FAM133B: variants seen among roughly 807,000 people sequenced by gnomAD.
FAM133B encodes the protein family with sequence similarity 133 member B, also known as protein FAM133B.
In FAM133B, 25 loss-of-function variants were observed where a neutral mutation model predicts 46.4. That is an observed-to-expected ratio of 0.54 (90% CI 0.39 to 0.75). The LOEUF is 0.75. FAM133B is among the 30% of genes least tolerant of loss of function. The probability of loss-of-function intolerance (pLI) is 0.00; values close to 1 mark genes in which losing one functional copy is unlikely to be tolerated. For synonymous variants in FAM133B, 75 were observed against 86.0 expected, an observed-to-expected ratio of 0.87 and a Z score of 0.71; for missense variants, 205 against 277.6, an observed-to-expected ratio of 0.74 and a Z score of 1.86.
chr7:92,565,979 T>C, intron 10 of FAM133B, 35 bp downstream of exon 10: 11 of 1,608,394 alleles, frequency 6.8e-6, no homozygotes, highest in Non-Finnish European at 9.4e-6. Context: ...AAAACACCTA[T>C]TCTATTGTCT....
In FAM133B at chr7:92,575,806, T is replaced by G. The variant is rs779461130; in HGVS notation, c.481A>C (p.Lys161Gln). The G allele has an allele frequency of 3.4e-5, 46 of 1,354,876 alleles. No individual in the cohort carries two copies. Among genetic ancestry groups the G allele is most frequent in the Non-Finnish European group, 5.2e-6 (5 of 954,584 alleles). The allele number at this position is 1,354,876 out of a possible 1,614,324, so 83.9% of individuals were successfully genotyped here. A position where few individuals can be genotyped will look rare whatever the true frequency, so the allele number is the denominator to read the frequency against. The change falls in exon 8 of 11, where the codon AAA becomes CAA. Residue 161 changes from lysine to glutamine, a missense_variant. By Grantham distance (53) the Lys-to-Gln change is moderately conservative. Coordinates refer to ENST00000445716, the MANE Select transcript of FAM133B (RefSeq NM_152789.4). ...TCAGTTCCATCTTTTGACTTCTTTT[T>G]CTTTTTTAAACTATCCTAAACAAAG... ...ESDSKDSLKK[K>Q]KKSKDGTEKE...
In FAM133B at chr7:92,579,299, C is replaced by A; in HGVS notation, c.201+18G>T. 1 of 1,600,888 alleles carries A rather than the reference C, an allele frequency of 6.2e-7. No homozygotes were observed. Among genetic ancestry groups the A allele is most frequent in the Admixed American group, 1.7e-5 (1 of 58,534 alleles). ...TGGCCAAATTAGTCTATTTTTTTAA[C>A]AGGTACTTTTTACAAACCTCATTCA... On this transcript the variant is annotated intron_variant, in intron 3 of 10. Coordinates refer to ENST00000445716, the MANE Select transcript of FAM133B (RefSeq NM_152789.4).
In FAM133B at chr7:92,562,133, G is replaced by C; in HGVS notation, c.*149C>G. On this transcript the variant is annotated 3_prime_UTR_variant, in exon 11 of 11. Transcript: ENST00000445716. ...GCAACATTTATGGCCCTTTCACACA[G>C]TGGCATCTGAGTGGCTACTGAATAG... 2.4e-6 allele frequency: 2 copies of C among 839,490 alleles called. No homozygotes were observed. The highest frequency in any genetic ancestry group is 3.5e-6 in the Non-Finnish European group (2 of 573,496). 52.0% of individuals were successfully genotyped at this position (839,490 alleles called of 1,614,324 possible).
intron 9 of FAM133B, among the ~76,000 whole-genome samples, chr7:92,567,421 T>G (rs894558494): frequency 6.6e-6 from 1 of 152,150 alleles, no homozygotes; most frequent in African/African-American, 2.4e-5. Context: ...GCTAAGTGAC[T>G]ACGACATTAA....
chr7:92,569,726 A>T, intron 9 of FAM133B, 97 bp downstream of exon 9: 1 of 587,630 alleles, frequency 1.7e-6, no homozygotes, highest in Non-Finnish European at 2.8e-6. Context: ...AAAGGTGAAT[A>T]AATTAAATAT....
intron 8 of FAM133B, among the ~76,000 whole-genome samples, chr7:92,571,407 TAGA>T (rs1794526482): frequency 1.3e-5 from 2 of 152,344 alleles, no homozygotes; most frequent in African/African-American, 2.4e-5. Context: ...TATACATTCT[TAGA>T]AGTTTTTCTT....
At chr7:92,589,410 T>C (rs1261900613) in intron 1 of FAM133B, among the ~76,000 whole-genome samples, 3 of 152,236 alleles carry the variant, frequency 2.0e-5, no homozygotes, top group African/African-American at 7.2e-5. Flanking sequence ...TCCTACTCTT[T>C]CTGCTGTAAG....
intron 9 of FAM133B, chr7:92,569,595 T>G (rs1244875408): frequency 7.4e-6 from 2 of 268,886 alleles, no homozygotes; most frequent in Non-Finnish European, 1.4e-5. Flanking sequence ...TAAAAATATC[T>G]CAGATTAGAA....
rs575996256 is a variant in FAM133B at position 92,590,319 on chromosome 7, G to A, written c.-28C>T. 6 of 1,613,688 alleles carry A rather than the reference G, an allele frequency of 3.7e-6. No homozygotes were observed. In the East Asian group the frequency reaches 8.9e-5, roughly 24 times the overall value. On this transcript the variant is annotated 5_prime_UTR_variant, in exon 1 of 11. Transcript: ENST00000445716. ...TGCTGGATCGAGCGCACAGTAGCAC[G>A]CCGAGGGAAACCGGGCCGGAGAGAC... is the stretch of plus-strand genomic sequence containing the variant.
rs777180214 is a variant in FAM133B at position 92,581,559 on chromosome 7, G to C, written c.69C>G (p.Ile23Met). The C allele has an allele frequency of 6.2e-7, 1 of 1,613,906 alleles. No homozygotes were observed. Among genetic ancestry groups the C allele is most frequent in the Non-Finnish European group, 8.5e-7 (1 of 1,179,828 alleles). ...PIAMARSRGP[I>M]QSSGPTIQDY... ...CCTGTATTGTTGGCCCTGAAGACTGGATTGGACCCCTTGATCTCGCCATTG... is the reference window on the plus strand; with the variant it reads ...CCTGTATTGTTGGCCCTGAAGACTGCATTGGACCCCTTGATCTCGCCATTG... The change falls in exon 2 of 11, where the codon ATC becomes ATG. Residue 23 changes from isoleucine to methionine, a missense_variant. Physicochemically the swap from Ile to Met is conservative, Grantham distance 10. Transcript: ENST00000445716.
intron 2 of FAM133B, among the ~76,000 whole-genome samples, chr7:92,580,230 C>T (rs1407384835): frequency 1.4e-5 from 2 of 144,880 alleles, no homozygotes; most frequent in African/African-American, 5.2e-5. Context: ...TGTACTACCA[C>T]ATCCAGCTAA....
chr7:92,572,563 CA>C (rs1468883475), intron 8 of FAM133B, among the ~76,000 whole-genome samples: 3 of 152,020 alleles, frequency 2.0e-5, no homozygotes, highest in African/African-American at 4.8e-5. Context: ...ACTGAAAATA[CA>C]AAAAAGTAGC....
chr7:92,574,100 C>T (rs1176119257), intron 8 of FAM133B, among the ~76,000 whole-genome samples: 1 of 152,104 alleles, frequency 6.6e-6, no homozygotes. Flanking sequence ...GAAATGAAAA[C>T]ATGCATCCAT....
chr7:92,577,223 GCTTT>G lies in FAM133B; in HGVS notation c.373-32_373-29del, dbSNP rs957985091. On this transcript the variant is annotated intron_variant, in intron 6 of 10. Coordinates refer to ENST00000445716, the MANE Select transcript of FAM133B (RefSeq NM_152789.4). ...ACATAAAATATTTTTAGAAACATTT[GCTTT>G]CTGTCTCAAAAATCTAATTTACACA... The G allele has an allele frequency of 2.8e-5, 38 of 1,366,734 alleles. No homozygotes were observed. The African/African-American group carries it at 5.1e-4, about 18-fold the overall frequency. The allele number at this position is 1,366,734 out of a possible 1,614,324, so 84.7% of individuals were successfully genotyped here. A position where few individuals can be genotyped will look rare whatever the true frequency, so the allele number is the denominator to read the frequency against.
Position 92,590,299 on chromosome 7 carries a change from G to A in FAM133B, c.-8C>T, listed in dbSNP as rs780249982. On this transcript the variant is annotated 5_prime_UTR_variant, in exon 1 of 11. Coordinates refer to ENST00000445716, the MANE Select transcript of FAM133B (RefSeq NM_152789.4). ...ATTGTCCCGCTTCCCCATGGTGCTG[G>A]ATCGAGCGCACAGTAGCACGCCGAG... 5 of 1,613,852 alleles carry A rather than the reference G, an allele frequency of 3.1e-6. No individual in the cohort carries two copies. In the East Asian group the frequency reaches 6.7e-5, roughly 22 times the overall value.
intron 8 of FAM133B, among the ~76,000 whole-genome samples, chr7:92,572,940 T>C (rs897531458): frequency 6.6e-6 from 1 of 151,918 alleles, no homozygotes; most frequent in Non-Finnish European, 1.5e-5. Context: ...TAATGCTGAA[T>C]GAAAAGAAAC....
chr7:92,564,053 C>T (rs1794239679), intron 10 of FAM133B, among the ~76,000 whole-genome samples: 1 of 152,232 alleles, frequency 6.6e-6, no homozygotes, highest in African/African-American at 2.4e-5. Context: ...ACACACTCTG[C>T]TGTGTAATGT....
At chr7:92,568,420 C>T (rs1477914561) in intron 9 of FAM133B, among the ~76,000 whole-genome samples, 1 of 151,884 alleles carries the variant, frequency 6.6e-6, no homozygotes, top group African/African-American at 2.4e-5. Flanking sequence ...TGTGATGGCA[C>T]AATCTTGGCT....
At chr7:92,565,753 G>A in intron 10 of FAM133B, 1 of 427,750 alleles carries the variant, frequency 2.3e-6, no homozygotes, top group South Asian at 3.4e-5. Flanking sequence ...GTGAGACACA[G>A]CGCCCAGCCC....
Sources: allele counts gnomAD v4.1 joint callset (sites outside exome capture counted in the v4.1 genomes callset), GRCh38; gene constraint gnomAD v4.1.1; transcripts MANE v1.5; gene names NCBI Gene and HGNC (gene_info 2026-07-23, HGNC 2026-07-21).